Variants in SLCO5A1 observed in about 807,000 individuals in gnomAD.
SLCO5A1 encodes organic anion transporter polypeptide-related protein 4.
In SLCO5A1, 39 loss-of-function variants were observed where a neutral mutation model predicts 65.1. The observed-to-expected ratio is 0.60, with a 90% CI of 0.46 to 0.78. The LOEUF is 0.78. Among genes scored for constraint, SLCO5A1 ranks in the 30% least tolerant of loss-of-function variants. SLCO5A1 has a pLI of 0.00. For missense variants in SLCO5A1, 1,029 were observed against 1,069.4 expected, an observed-to-expected ratio of 0.96 and a Z score of 0.53; for synonymous variants, 438 against 415.7, an observed-to-expected ratio of 1.05 and a Z score of -0.65.
chr8:69,772,554 G>A (rs1156458719), intron 2 of SLCO5A1, among the ~76,000 whole-genome samples: 1 of 142,508 alleles, frequency 7.0e-6, no homozygotes, highest in Non-Finnish European at 1.5e-5. Flanking sequence ...AGGGAAGGAG[G>A]GAGGGAGGAG....
At chr8:69,684,131 AATC>A (rs1307662136) in intron 6 of SLCO5A1, among the ~76,000 whole-genome samples, 20 of 152,348 alleles carry the variant, frequency 1.3e-4, no homozygotes, top group Middle Eastern at 3.4e-3. Flanking sequence ...AGACTCTAAT[AATC>A]ATTACATTCA....
intron 6 of SLCO5A1, among the ~76,000 whole-genome samples, chr8:69,698,110 G>C (rs905227537): frequency 1.3e-5 from 2 of 152,130 alleles, no homozygotes; most frequent in Non-Finnish European, 1.5e-5. Context: ...TGCGGTATTT[G>C]GTTTTCTGTT....
intron 2 of SLCO5A1, among the ~76,000 whole-genome samples, chr8:69,807,493 T>A (rs1215306217): frequency 6.6e-6 from 1 of 152,138 alleles, no homozygotes; most frequent in Non-Finnish European, 1.5e-5. Flanking sequence ...AACCAGCGCC[T>A]CCCTTTTCCC....
chr8:69,734,529 G>T (rs747909543), intron 5 of SLCO5A1, among the ~76,000 whole-genome samples: 1 of 152,158 alleles, frequency 6.6e-6, no homozygotes, highest in Non-Finnish European at 1.5e-5. Flanking sequence ...CCTCTTAGAT[G>T]TGTAAGCAAC....
At chr8:69,686,632 G>A (rs1190074760) in intron 6 of SLCO5A1, among the ~76,000 whole-genome samples, 1 of 152,128 alleles carries the variant, frequency 6.6e-6, no homozygotes, top group Admixed American at 6.5e-5. Context: ...GATAGGCACT[G>A]CCAAAGTCAC....
intron 2 of SLCO5A1, among the ~76,000 whole-genome samples, chr8:69,792,756 T>A (rs904600013): frequency 3.3e-5 from 5 of 151,886 alleles, no homozygotes; most frequent in African/African-American, 1.2e-4. Context: ...AGGGAAAAAA[T>A]ATCATTAATG....
At chr8:69,703,692 A>G (rs532713649) in intron 6 of SLCO5A1, among the ~76,000 whole-genome samples, 7 of 152,346 alleles carry the variant, frequency 4.6e-5, no homozygotes, top group Admixed American at 3.3e-4. Context: ...GGTTCTGGAC[A>G]GTGGTGCACT....
At chr8:69,800,271 T>TTTTG (rs1819676935) in intron 2 of SLCO5A1, among the ~76,000 whole-genome samples, 1 of 115,354 alleles carries the variant, frequency 8.7e-6, no homozygotes, top group African/African-American at 3.0e-5. Context: ...TTTTTTTTTT[T>TTTTG]GAGACAAGGT....
At chr8:69,712,393 C>A (rs557319148) in intron 5 of SLCO5A1, among the ~76,000 whole-genome samples, 27 of 152,206 alleles carry the variant, frequency 1.8e-4, no homozygotes, top group African/African-American at 6.3e-4. Flanking sequence ...TATTTAATTA[C>A]CAAATATAAA....
intron 5 of SLCO5A1, among the ~76,000 whole-genome samples, chr8:69,715,780 A>C (rs113495619): frequency 3.9e-5 from 6 of 152,174 alleles, no homozygotes; most frequent in Non-Finnish European, 7.3e-5. Flanking sequence ...TCACATCACT[A>C]ATTAGACATA....
rs111580014 is a variant in SLCO5A1 at position 69,669,088 on chromosome 8, C to T, written c.*3781G>A. On this transcript the variant is annotated 3_prime_UTR_variant, in exon 10 of 10. Coordinates refer to ENST00000260126, the MANE Select transcript of SLCO5A1 (RefSeq NM_030958.3). ...TTTCATTTCAGAAACTCTGCCGAGA[C>T]CCGATGTTAACACGAAGACTAGATT... 2 of 151,992 alleles carry T rather than the reference C, an allele frequency of 1.3e-5. No individual in the cohort carries two copies. The highest frequency in any genetic ancestry group is 2.4e-5 in the African/African-American group (1 of 41,386). The allele number at this position is 151,992 out of a possible 1,614,324, so 9.4% of individuals were successfully genotyped here.
intron 2 of SLCO5A1, among the ~76,000 whole-genome samples, chr8:69,772,004 G>A (rs1818339219): frequency 6.6e-6 from 1 of 152,136 alleles, no homozygotes; most frequent in African/African-American, 2.4e-5. Context: ...GGGAGAAATT[G>A]CACCCTGCAA....
intron 5 of SLCO5A1, among the ~76,000 whole-genome samples, chr8:69,723,574 C>T (rs7011887): frequency 0.017 from 2,571 of 152,026 alleles, 83 homozygotes; most frequent in African/African-American, 0.058. Flanking sequence ...TTCTCAAAAT[C>T]AAAATTCACT....
At chr8:69,756,658 A>G (rs919547872) in intron 3 of SLCO5A1, among the ~76,000 whole-genome samples, 1 of 152,264 alleles carries the variant, frequency 6.6e-6, no homozygotes, top group African/African-American at 2.4e-5. Flanking sequence ...TGTGTATCGG[A>G]AAGCTTCCTA....
Position 69,680,723 on chromosome 8 carries a change from T to A in SLCO5A1, c.1783-1104A>T, listed in dbSNP as rs113650878. On this transcript the variant is annotated intron_variant, in intron 7 of 9. Coordinates refer to ENST00000260126, the MANE Select transcript of SLCO5A1 (RefSeq NM_030958.3). Reference sequence around the variant, plus strand: ...TCTCCAAACTGCTTTCCACGGTGTCTAAGTTAATATACATTCTGGTGCTTC... The same window carrying A: ...TCTCCAAACTGCTTTCCACGGTGTCAAAGTTAATATACATTCTGGTGCTTC... Among the ~76,000 whole-genome samples the A allele has an allele frequency of 6.0e-3, 911 of 152,356 alleles. 17 individuals are homozygous for A. The highest frequency in any genetic ancestry group is 0.021 in the African/African-American group (872 of 41,586).
At chr8:69,712,444 C>T (rs1815311609) in intron 5 of SLCO5A1, among the ~76,000 whole-genome samples, 1 of 152,034 alleles carries the variant, frequency 6.6e-6, no homozygotes, top group African/African-American at 2.4e-5. Flanking sequence ...CCAATTTTTG[C>T]CAATTTGTAT....
Position 69,832,473 on chromosome 8 carries a change from C to G in SLCO5A1, c.201G>C (p.Ser67=), listed in dbSNP as rs140309550. Residue 67 remains serine, a synonymous_variant, in exon 2 of 10, where the codon TCG becomes TCC. Transcript: ENST00000260126. This position sits in a 1 kb window ranked among gnomAD's most constrained non-coding sequence, Gnocchi z 4.5. ...ANPAFGCVDS[S]GHQELKQGPN... is the part of the protein sequence containing the mutation. ...GGCCTTGCTTCAACTCCTGGTGGCC[C>G]GAAGAATCCACACAGCCAAAGGCCG... is the stretch of plus-strand genomic sequence containing the variant. 1.4e-4 allele frequency: 223 copies of G among 1,612,754 alleles called. 1 individual carries two copies. The Middle Eastern group carries it at 1.5e-3, about 11-fold the overall frequency.
intron 5 of SLCO5A1, among the ~76,000 whole-genome samples, chr8:69,733,370 G>C (rs1338130523): frequency 3.3e-5 from 5 of 152,172 alleles, no homozygotes; most frequent in Non-Finnish European, 5.9e-5. Context: ...TGCTGACATA[G>C]AGAGAGACAG....
chr8:69,773,480 C>T (rs1382480014), intron 2 of SLCO5A1, among the ~76,000 whole-genome samples: 1 of 152,178 alleles, frequency 6.6e-6, no homozygotes, highest in Non-Finnish European at 1.5e-5. Flanking sequence ...CATTGGGATT[C>T]AGTTGAGAGT....
Sources: allele counts gnomAD v4.1 joint callset (sites outside exome capture counted in the v4.1 genomes callset), GRCh38; gene constraint gnomAD v4.1.1; non-coding constraint Gnocchi (gnomAD v3.1); transcripts MANE v1.5; gene names NCBI Gene and HGNC (gene_info 2026-07-23, HGNC 2026-07-21).